IGF2R: variants seen among roughly 807,000 people sequenced by gnomAD.
IGF2R encodes the protein cation-independent mannose-6-phosphate receptor.
IGF2R carries 91 observed loss-of-function variants against 270.6 expected under a neutral mutation model. That is an observed-to-expected ratio of 0.34 (90% confidence interval 0.28 to 0.40). The LOEUF is 0.40. Among genes scored for constraint, IGF2R ranks in the 10% least tolerant of loss-of-function variants. The pLI is 1.00. For missense variants in IGF2R, 2,805 were observed against 3,188.3 expected, an observed-to-expected ratio of 0.88 and a Z score of 2.90; for synonymous variants, 1,316 against 1,258.9, an observed-to-expected ratio of 1.05 and a Z score of -0.96.
rs1562356609 is a variant in IGF2R, at chr6:160,047,746, T to C, written c.2230-46T>C. ...TTTTGAATCCTGGTTTTATGTCACG[T>C]GTCTTTCTCTTTTTGCCATCCCTCC... On this transcript the variant is annotated intron_variant, in intron 16 of 47. Coordinates refer to ENST00000356956, the MANE Select transcript of IGF2R (RefSeq NM_000876.4). 2.6e-6 allele frequency: 3 copies of C among 1,146,566 alleles called. No individual in the cohort carries two copies. In the Admixed American group the frequency reaches 5.0e-5, roughly 19 times the overall value. The allele number at this position is 1,146,566 out of a possible 1,614,324, so 71.0% of individuals were successfully genotyped here. A position where few individuals can be genotyped will look rare whatever the true frequency, so the allele number is the denominator to read the frequency against.
chr6:159,997,796 C>T (rs1325121895), intron 2 of IGF2R, among the ~76,000 whole-genome samples: 1 of 152,200 alleles, frequency 6.6e-6, no homozygotes, highest in African/African-American at 2.4e-5. Flanking sequence ...CAACTCTGTT[C>T]AGCTGTCTTG....
intron 4 of IGF2R, among the ~76,000 whole-genome samples, chr6:160,022,211 G>A (rs367644522): frequency 1.3e-4 from 20 of 152,204 alleles, no homozygotes; most frequent in African/African-American, 4.8e-4. Flanking sequence ...CATAGAGACT[G>A]GAATAATAAA....
chr6:160,072,915 G>A, intron 33 of IGF2R, 31 bp downstream of exon 33: 1 of 1,592,180 alleles, frequency 6.3e-7, no homozygotes, highest in Non-Finnish European at 8.6e-7. Flanking sequence ...TGTGTTGTCT[G>A]ACTCTCCCGT....
chr6:160,077,104 G>C (rs540801473), intron 36 of IGF2R, among the ~76,000 whole-genome samples: 1 of 152,174 alleles, frequency 6.6e-6, no homozygotes, highest in Non-Finnish European at 1.5e-5. Flanking sequence ...AAACAGTCCT[G>C]CTGTTTGGGG....
Position 160,019,824 on chromosome 6 carries a change from C to G in IGF2R, c.514-4748C>G, listed in dbSNP as rs546351495. Among the ~76,000 whole-genome samples the G allele has an allele frequency of 2.6e-5, 4 of 152,250 alleles. No homozygotes were observed. The South Asian group carries it at 8.3e-4, about 32-fold the overall frequency. On this transcript the variant is annotated intron_variant, in intron 4 of 47. Transcript: ENST00000356956. ...GGACATACCTCAGAATAATAAAAGG[C>G]ATATACGACAGAACCACAGCCAGCA...
intron 23 of IGF2R, among the ~76,000 whole-genome samples, chr6:160,061,238 T>C (rs943041542): frequency 2.6e-5 from 4 of 152,198 alleles, no homozygotes; most frequent in African/African-American, 9.6e-5. Context: ...CTTGAACTCC[T>C]GGTCCTAAGT....
chr6:160,006,988 A>G (rs1342872908), intron 2 of IGF2R: 2 of 145,152 alleles, frequency 1.4e-5, no homozygotes, highest in African/African-American at 5.1e-5. Context: ...TTATCTTCCT[A>G]TGTGTAACTT....
At position 160,046,537 on chromosome 6, in the gene IGF2R, G is replaced by A. The variant is rs757470554; in HGVS notation, c.1943G>A (p.Gly648Asp). Residue 648 changes from glycine to aspartate, a missense_variant, in exon 15 of 48, where the codon GGT becomes GAT. By Grantham distance (94) the Gly-to-Asp change is moderately conservative. Transcript: ENST00000356956. ...FDLSPLTKKNGAYKVETKKYD... is the reference protein window; with the variant it reads ...FDLSPLTKKNDAYKVETKKYD... ...TTATCACCTCTCACAAAGAAAAATG[G>A]TGCCTATAAAGTTGAGACAAAGAAG... The A allele has an allele frequency of 2.1e-5, 34 of 1,612,842 alleles. No homozygotes were observed. The African/African-American group carries it at 2.8e-4, about 13-fold the overall frequency.
At chr6:160,058,264 TC>T in intron 21 of IGF2R, 140 bp downstream of exon 21, 1 of 636,380 alleles carries the variant, frequency 1.6e-6, no homozygotes, top group South Asian at 1.9e-5. Flanking sequence ...GATGGGAAAA[TC>T]CAGATTTAAG....
intron 2 of IGF2R, among the ~76,000 whole-genome samples, chr6:159,992,495 C>T (rs1472626314): frequency 2.0e-5 from 3 of 151,950 alleles, no homozygotes; most frequent in African/African-American, 7.2e-5. Flanking sequence ...AGTTATTTTA[C>T]TTAGGATAAT....
chr6:160,009,827 G>A (rs1784305704), intron 3 of IGF2R, among the ~76,000 whole-genome samples: 1 of 152,204 alleles, frequency 6.6e-6, no homozygotes, highest in African/African-American at 2.4e-5. Flanking sequence ...GTGAAACTCT[G>A]TGGCTACTAA....
chr6:160,016,278 C>T (rs377427000), intron 4 of IGF2R, among the ~76,000 whole-genome samples: 8 of 152,324 alleles, frequency 5.3e-5, no homozygotes, highest in African/African-American at 1.7e-4. Flanking sequence ...GCCTCTGTCC[C>T]TCCCCAGAAT....
Position 160,042,477 on chromosome 6 carries a change from C to T in IGF2R, c.1481-671C>T, listed in dbSNP as rs140209013. ...GTAAGTTACTCCTTCAGCGACTGTTCGCCGTGTGGTTTGCTTTTTGTGGAT... is the reference window on the plus strand; with the variant it reads ...GTAAGTTACTCCTTCAGCGACTGTTTGCCGTGTGGTTTGCTTTTTGTGGAT... On this transcript the variant is annotated intron_variant, in intron 11 of 47. Transcript: ENST00000356956. 3.6e-3 allele frequency among the ~76,000 whole-genome samples: 549 copies of T among 152,260 alleles called. 5 individuals carry two copies. Among genetic ancestry groups the T allele is most frequent in the Non-Finnish European group, 4.0e-3 (270 of 68,020 alleles).
intron 2 of IGF2R, among the ~76,000 whole-genome samples, chr6:159,992,784 G>A (rs1301076250): frequency 2.6e-5 from 4 of 152,164 alleles, no homozygotes; most frequent in African/African-American, 9.7e-5. Flanking sequence ...TCAGTAGTGG[G>A]ATTGCTGGAT....
intron 12 of IGF2R, 23 bp from the exon 13 acceptor site, chr6:160,044,490 GT>G: frequency 6.4e-7 from 1 of 1,566,776 alleles, no homozygotes; most frequent in Non-Finnish European, 8.7e-7. Context: ...CACATCTTCT[GT>G]TTTCTCCCCC....
chr6:160,062,604 G>T lies in IGF2R; in HGVS notation c.3655G>T (p.Val1219Phe). The T allele has an allele frequency of 6.2e-7, 1 of 1,612,882 alleles. No individual in the cohort carries two copies. The highest frequency in any genetic ancestry group is 8.5e-7 in the Non-Finnish European group (1 of 1,178,968). The change falls in exon 26 of 48, where the codon GTT becomes TTT. Residue 1219 changes from valine (V) to phenylalanine (F), a missense_variant. Around this residue, in one of 2 missense-constraint regions of IGF2R, gnomAD observed 1,851 missense variants for 2,207.2 expected, o/e 0.84. Transcript: ENST00000356956. ...CTGGAGAACTGTGGAAGCCTGTCCC[G>T]TTGTCAGAGTGGAAGGTAGGACTGG... ...FIWRTVEACP[V>F]VRVEGDNCEV...
intron 15 of IGF2R, 96 bp from the exon 16 acceptor site, chr6:160,047,063 T>C: frequency 4.3e-6 from 5 of 1,152,784 alleles, no homozygotes; most frequent in Non-Finnish European, 6.4e-6. Context: ...TTCTGGTGAC[T>C]CCTCACGTCG....
chr6:160,082,329 G>A (rs1779001163), intron 39 of IGF2R, among the ~76,000 whole-genome samples: 1 of 147,938 alleles, frequency 6.8e-6, no homozygotes, highest in East Asian at 2.0e-4. Context: ...TTTTTTTTGA[G>A]ATGGAGTTTT....
At position 160,058,998 on chromosome 6, in the gene IGF2R, G is replaced by C. The variant is rs200131537; in HGVS notation, c.2991G>C (p.Lys997Asn). Residue 997 changes from lysine (K) to asparagine (N), a missense_variant, in exon 22 of 48, where the codon AAG becomes AAC. Physicochemically the swap from Lys to Asn is moderately conservative, Grantham distance 94. Coordinates refer to ENST00000356956, the MANE Select transcript of IGF2R (RefSeq NM_000876.4). ...CEAETQTEEL[K>N]NWKPARPVGI... ...CAGAAACCCAAACTGAAGAGCTCAAGAATTGGAAGCCAGCAAGGCCAGTCG... is the reference window on the plus strand; with the variant it reads ...CAGAAACCCAAACTGAAGAGCTCAACAATTGGAAGCCAGCAAGGCCAGTCG... 32 of 1,614,212 alleles carry C rather than the reference G, an allele frequency of 2.0e-5. No homozygotes were observed. In the East Asian group the frequency reaches 7.1e-4, roughly 36 times the overall value.
Sources: gnomAD v4.1 joint callset for allele counts (sites outside exome capture counted in the v4.1 genomes callset) on GRCh38, gnomAD v4.1.1 for gene constraint, gnomAD v4.1.1 regional missense constraint, MANE v1.5 for transcripts, NCBI Gene and HGNC (gene_info 2026-07-23, HGNC 2026-07-21) for gene names.